Variants in RMI1 observed in about 807,000 individuals in gnomAD.
The protein encoded by RMI1 is recQ-mediated genome instability protein 1.
In RMI1, 36 loss-of-function variants were observed where a neutral mutation model predicts 46.7. The ratio of observed to expected loss-of-function variants is 0.77; its 90% CI spans 0.59 to 1.02. The LOEUF is 1.02. Among genes scored for constraint, RMI1 ranks in the 50% least tolerant of loss-of-function variants. The probability of loss-of-function intolerance (pLI) is 0.00; values close to 1 mark genes in which losing one functional copy is unlikely to be tolerated. For missense variants in RMI1, 676 were observed against 713.7 expected, an observed-to-expected ratio of 0.95 and a Z score of 0.60; for synonymous variants, 250 against 252.9, an observed-to-expected ratio of 0.99 and a Z score of 0.11.
At position 84,002,353 on chromosome 9, in the gene RMI1, C is replaced by A. The variant is rs1957751553; in HGVS notation, c.1367C>A (p.Ser456Ter). Reference sequence around the variant, plus strand: ...GTCAACTATGTACAGAAAAGGAATTCACAAATTTCTAATGAAAATGATTGT... The same window carrying A: ...GTCAACTATGTACAGAAAAGGAATTAACAAATTTCTAATGAAAATGATTGT... Reference protein sequence around the residue: ...EVVNYVQKRNSQISNENDCNL... With the variant: ...EVVNYVQKRN The change falls in exon 3 of 3, where the codon TCA (serine) becomes TAA (stop). Residue 456 changes from serine (S) to a stop codon, truncating the protein, a stop_gained. Transcript: ENST00000445877. LOFTEE classifies it high-confidence loss of function. 1 of 1,606,226 alleles carries A rather than the reference C, an allele frequency of 6.2e-7. No individual in the cohort carries two copies. The highest frequency in any genetic ancestry group is 2.2e-5 in the East Asian group (1 of 44,772).
At chr9:83,985,708 G>A (rs975986452) in intron 1 of RMI1, among the ~76,000 whole-genome samples, 56 of 147,856 alleles carry the variant, frequency 3.8e-4, no homozygotes, top group African/African-American at 1.4e-3. Flanking sequence ...TGCCACTTGC[G>A]GTGTTCAGTA....
At position 83,988,826 on chromosome 9, in the gene RMI1, G is replaced by T. The variant is rs552036528; in HGVS notation, c.-126+7935G>T. On this transcript the variant is annotated intron_variant, in intron 1 of 2. Transcript: ENST00000445877. ...ATTTGCCATCTGCATATTTTCTTTG[G>T]TGAAGTTTCCATATCGTTTTTCTTT... is the stretch of plus-strand genomic sequence containing the variant. Among the ~76,000 whole-genome samples the T allele has an allele frequency of 5.3e-5, 8 of 152,018 alleles. No homozygotes were observed. The South Asian group carries it at 1.7e-3, about 32-fold the overall frequency.
chr9:84,000,272 A>G (rs1379649348), intron 2 of RMI1, among the ~76,000 whole-genome samples: 4 of 152,334 alleles, frequency 2.6e-5, no homozygotes, highest in South Asian at 4.1e-4. Context: ...GGTTTCAGTT[A>G]TCTGCAGTCA....
At chr9:83,987,349 G>C (rs142561654) in intron 1 of RMI1, among the ~76,000 whole-genome samples, 1 of 152,082 alleles carries the variant, frequency 6.6e-6, no homozygotes, top group Non-Finnish European at 1.5e-5. Flanking sequence ...CACCGCGTCC[G>C]GCCTGCCTTC....
At chr9:83,982,022 T>C (rs761994211) in intron 1 of RMI1, among the ~76,000 whole-genome samples, 8 of 152,236 alleles carry the variant, frequency 5.3e-5, no homozygotes, top group Non-Finnish European at 8.8e-5. Context: ...ATTTTTTAAA[T>C]GGTCCCCACC....
intron 1 of RMI1, among the ~76,000 whole-genome samples, chr9:83,981,866 T>C (rs549266404): frequency 5.9e-5 from 9 of 152,304 alleles, no homozygotes; most frequent in Middle Eastern, 3.4e-3. Context: ...CTTGACTGAT[T>C]AGAGGAAAAC....
intron 1 of RMI1, among the ~76,000 whole-genome samples, chr9:83,991,668 T>A (rs1476599441): frequency 6.6e-6 from 1 of 152,200 alleles, no homozygotes; most frequent in Non-Finnish European, 1.5e-5. Flanking sequence ...CACAAAGATT[T>A]TTTCTGCAAA....
In RMI1 at chr9:84,002,217, G is replaced by T. The variant is rs757819546; in HGVS notation, c.1231G>T (p.Ala411Ser). 2 of 1,608,462 alleles carry T rather than the reference G, an allele frequency of 1.2e-6. No individual in the cohort carries two copies. Among genetic ancestry groups the T allele is most frequent in the South Asian group, 1.1e-5 (1 of 90,182 alleles). ...IFSVHCNVPL[A>S]HDFTNKEKNL... ...TTCAGTTCATTGTAATGTACCCTTA[G>T]CCCATGATTTTACAAATAAAGAAAA... is the stretch of plus-strand genomic sequence containing the variant. The change falls in exon 3 of 3, where the codon GCC becomes TCC. Residue 411 changes from alanine (A) to serine (S), a missense_variant. Coordinates refer to ENST00000445877, the MANE Select transcript of RMI1 (RefSeq NM_001358291.2).
Position 84,003,017 on chromosome 9 carries a change from A to G in RMI1, c.*153A>G, listed in dbSNP as rs1957762785. On this transcript the variant is annotated 3_prime_UTR_variant, in exon 3 of 3. Transcript: ENST00000445877. ...TTTAAAGTGTTTAATCATGTTTGTT[A>G]TATGTGGAGCTTTTGAAAATAAGTT... 3.9e-6 allele frequency: 2 copies of G among 514,312 alleles called. No homozygotes were observed. The highest frequency in any genetic ancestry group is 3.9e-5 in the South Asian group (1 of 25,704). The allele number at this position is 514,312 out of a possible 1,614,324, so 31.9% of individuals were successfully genotyped here. A position where few individuals can be genotyped will look rare whatever the true frequency, so the allele number is the denominator to read the frequency against.
chr9:84,001,892 A>G lies in RMI1; in HGVS notation c.906A>G (p.Leu302=), dbSNP rs1380803229. ...GACCAAAAGAGGAACCATCAAACCT[A>G]TCTATACATGTAATGGATGGAGAAT... ...SPRPKEEPSN[L]SIHVMDGELD... Residue 302 remains leucine, a synonymous_variant, in exon 3 of 3, where the codon CTA becomes CTG. Coordinates refer to ENST00000445877, the MANE Select transcript of RMI1 (RefSeq NM_001358291.2). 3 of 1,614,072 alleles carry G rather than the reference A, an allele frequency of 1.9e-6. No homozygotes were observed. The highest frequency in any genetic ancestry group is 1.7e-6 in the Non-Finnish European group (2 of 1,179,946).
chr9:83,983,079 G>GA (rs971551874), intron 1 of RMI1, among the ~76,000 whole-genome samples: 11 of 152,308 alleles, frequency 7.2e-5, no homozygotes, highest in Admixed American at 2.0e-4. Context: ...ATATAATTGA[G>GA]AATGTACACT....
intron 1 of RMI1, among the ~76,000 whole-genome samples, chr9:83,984,938 T>C (rs955105396): frequency 2.0e-5 from 3 of 152,230 alleles, no homozygotes; most frequent in African/African-American, 4.8e-5. Context: ...TGGAGTTCTT[T>C]AGGATCAGGA....
intron 1 of RMI1, among the ~76,000 whole-genome samples, chr9:83,990,323 C>A (rs1189505864): frequency 6.6e-6 from 1 of 152,134 alleles, no homozygotes; most frequent in East Asian, 1.9e-4. Context: ...ACCAGCCTGG[C>A]CAACATAGTG....
rs1198651254 is a variant in RMI1, at chr9:84,002,366, T to C, written c.1380T>C (p.Asn460=). ...YVQKRNSQIS[N]ENDCNLQSCS... ...AGAAAAGGAATTCACAAATTTCTAATGAAAATGATTGTAATTTACAGAGTT... is the reference window on the plus strand; with the variant it reads ...AGAAAAGGAATTCACAAATTTCTAACGAAAATGATTGTAATTTACAGAGTT... Residue 460 remains asparagine, a synonymous_variant, in exon 3 of 3, where the codon AAT becomes AAC. Coordinates refer to ENST00000445877, the MANE Select transcript of RMI1 (RefSeq NM_001358291.2). 2 of 1,608,760 alleles carry C rather than the reference T, an allele frequency of 1.2e-6. No individual in the cohort carries two copies. The highest frequency in any genetic ancestry group is 3.4e-5 in the Admixed American group (2 of 59,442).
At position 83,982,712 on chromosome 9, in the gene RMI1, T is replaced by G. The variant is rs112368974; in HGVS notation, c.-126+1821T>G. Among the ~76,000 whole-genome samples the G allele has an allele frequency of 7.2e-5, 11 of 152,272 alleles. 1 individual carries two copies. Among genetic ancestry groups the G allele is most frequent in the African/African-American group, 2.6e-4 (11 of 41,566 alleles). ...AAAAAAAAAACCTCTTCCTCCCAGT[T>G]TCATTGTCCAGACTGGACCCCGACT... On this transcript the variant is annotated intron_variant, in intron 1 of 2. Transcript: ENST00000445877.
At position 84,001,135 on chromosome 9, in the gene RMI1, A is replaced by G; in HGVS notation, c.149A>G (p.Lys50Arg). 1.2e-6 allele frequency: 2 copies of G among 1,614,112 alleles called. No individual in the cohort carries two copies. The highest frequency in any genetic ancestry group is 2.7e-5 in the African/African-American group (2 of 75,050). The change falls in exon 3 of 3, where the codon AAA becomes AGA. Residue 50 changes from lysine (K) to arginine (R), a missense_variant. Transcript: ENST00000445877. ...NVNLSQAQMN[K>R]QVFEQWLLTD... ...AACTTGAGTCAGGCCCAAATGAATAAACAAGTGTTTGAGCAGTGGCTCCTT... is the reference window on the plus strand; with the variant it reads ...AACTTGAGTCAGGCCCAAATGAATAGACAAGTGTTTGAGCAGTGGCTCCTT...
rs781503832 is a variant in RMI1 at position 84,002,306 on chromosome 9, T to C, written c.1320T>C (p.Asn440=). ...GTTCAGATAGCCATTCCTTAAATAA[T>C]AAAATATTAAATAGAGAGGTGGTCA... ...TSSSDSHSLN[N]KILNREVVNY... The change falls in exon 3 of 3, where the codon AAT becomes AAC. Residue 440 remains asparagine (N), a synonymous_variant. Coordinates refer to ENST00000445877, the MANE Select transcript of RMI1 (RefSeq NM_001358291.2). The C allele has an allele frequency of 3.1e-6, 5 of 1,599,488 alleles. No individual in the cohort carries two copies. The highest frequency in any genetic ancestry group is 3.4e-6 in the Non-Finnish European group (4 of 1,169,460).
At chr9:83,991,771 CT>C (rs1168108183) in intron 1 of RMI1, among the ~76,000 whole-genome samples, 1 of 152,136 alleles carries the variant, frequency 6.6e-6, no homozygotes, top group Non-Finnish European at 1.5e-5. Flanking sequence ...ACTTCTACAA[CT>C]TTGTGGAAAA....
intron 1 of RMI1, chr9:83,992,844 TA>T (rs1957594096): frequency 6.6e-6 from 1 of 152,186 alleles, no homozygotes; most frequent in African/African-American, 2.4e-5. Flanking sequence ...CATTGGCAAA[TA>T]GGGGTACTTT....
Sources: gnomAD v4.1 joint callset for allele counts (sites outside exome capture counted in the v4.1 genomes callset) on GRCh38, gnomAD v4.1.1 for gene constraint, MANE v1.5 for transcripts, NCBI Gene and HGNC (gene_info 2026-07-23, HGNC 2026-07-21) for gene names.